Variants in IGSF21 observed in about 807,000 individuals in gnomAD.
The protein encoded by IGSF21 is immunoglobulin superfamily member 21.
Under a neutral mutation model 46.8 loss-of-function variants are expected in IGSF21, and 28 were observed. That is an observed-to-expected ratio of 0.60 (90% CI 0.44 to 0.82). The LOEUF is 0.82. IGSF21 is among the 40% of genes least tolerant of loss of function. The pLI is 0.00. For synonymous variants in IGSF21, 284 were observed against 273.6 expected, an observed-to-expected ratio of 1.04 and a Z score of -0.38; for missense variants, 624 against 665.5, an observed-to-expected ratio of 0.94 and a Z score of 0.69.
chr1:18,160,841 G>C (rs914299304), intron 1 of IGSF21, among the ~76,000 whole-genome samples: 1 of 152,182 alleles, frequency 6.6e-6, no homozygotes, highest in African/African-American at 2.4e-5. Flanking sequence ...ACTGTAGAGT[G>C]CTGGACCAAT....
rs1468023437 is a variant in IGSF21 at position 18,227,991 on chromosome 1, G to A, written c.164G>A (p.Arg55Gln). The change falls in exon 2 of 10, where the codon CGG becomes CAG. Residue 55 changes from arginine to glutamine, a missense_variant. Coordinates refer to ENST00000251296, the MANE Select transcript of IGSF21 (RefSeq NM_032880.5). Reference protein sequence around the residue: ...KCNFKTDGRMREIVWYRVTDG... With the variant: ...KCNFKTDGRMQEIVWYRVTDG... ...AACTTCAAGACAGATGGGCGCATGC[G>A]GGAGATCGTGTGGTACCGGGTAAGT... 8 of 1,613,658 alleles carry A rather than the reference G, an allele frequency of 5.0e-6. No individual in the cohort carries two copies. The highest frequency in any genetic ancestry group is 2.2e-5 in the East Asian group (1 of 44,876).
intron 3 of IGSF21, among the ~76,000 whole-genome samples, chr1:18,321,231 G>A (rs1456374176): frequency 6.6e-6 from 1 of 152,206 alleles, no homozygotes; most frequent in African/African-American, 2.4e-5. Context: ...AGCAGAGGCA[G>A]GTTGTGCACC....
chr1:18,193,714 C>G (rs757865063), intron 1 of IGSF21, among the ~76,000 whole-genome samples: 2 of 143,680 alleles, frequency 1.4e-5, no homozygotes, highest in Non-Finnish European at 3.2e-5. Context: ...TTTGGCAACA[C>G]CCTCACAGAC....
At chr1:18,199,155 C>T (rs2087040230) in intron 1 of IGSF21, among the ~76,000 whole-genome samples, 1 of 152,096 alleles carries the variant, frequency 6.6e-6, no homozygotes, top group South Asian at 2.1e-4. Context: ...GTACATTAAA[C>T]AGATAGAAGG....
At chr1:18,279,634 A>C (rs538276509) in intron 2 of IGSF21, among the ~76,000 whole-genome samples, 2 of 152,204 alleles carry the variant, frequency 1.3e-5, no homozygotes, top group Non-Finnish European at 1.5e-5. Context: ...GATGGGGCCC[A>C]GGTCTTCTAG....
At chr1:18,160,226 C>T (rs2086605339) in intron 1 of IGSF21, among the ~76,000 whole-genome samples, 2 of 152,216 alleles carry the variant, frequency 1.3e-5, no homozygotes, top group South Asian at 4.1e-4. Flanking sequence ...TCACTGGTCT[C>T]ACTCTGCTGG....
In IGSF21 at chr1:18,376,332, T is replaced by A; in HGVS notation, c.1038T>A (p.Ile346=). The change falls in exon 7 of 10, where the codon ATT becomes ATA. Residue 346 remains isoleucine, a synonymous_variant. Coordinates refer to ENST00000251296, the MANE Select transcript of IGSF21 (RefSeq NM_032880.5). ...CAGTTGCCCCCAAAGGACCCAAAAT[T>A]GTGATGACGCCCAGCAGAGCCCGGG... ...VTLVAPKGPK[I]VMTPSRARVG... 6.2e-7 allele frequency: 1 copy of A among 1,613,826 alleles called. No individual in the cohort carries two copies. Among genetic ancestry groups the A allele is most frequent in the Non-Finnish European group, 8.5e-7 (1 of 1,179,870 alleles).
At chr1:18,242,389 T>C (rs759805325) in intron 2 of IGSF21, among the ~76,000 whole-genome samples, 3 of 152,192 alleles carry the variant, frequency 2.0e-5, no homozygotes, top group Non-Finnish European at 4.4e-5. Flanking sequence ...CACACAGACC[T>C]CAGGAATCCC....
chr1:18,115,241 G>T (rs1250075560), intron 1 of IGSF21: 1 of 152,412 alleles, frequency 6.6e-6, no homozygotes, highest in East Asian at 1.9e-4. Context: ...CCAAGTTTCT[G>T]CTCACCCACA....
chr1:18,336,884 A>G (rs908442104), intron 4 of IGSF21, among the ~76,000 whole-genome samples: 10 of 152,232 alleles, frequency 6.6e-5, no homozygotes, highest in Non-Finnish European at 1.3e-4. Context: ...CACATCTCAC[A>G]TGGTGGAAGA....
intron 2 of IGSF21, among the ~76,000 whole-genome samples, chr1:18,265,721 G>A (rs1393511768): frequency 6.6e-6 from 1 of 152,216 alleles, no homozygotes; most frequent in Non-Finnish European, 1.5e-5. Flanking sequence ...TGGCACTGCT[G>A]GCTGAATTCT....
intron 4 of IGSF21, among the ~76,000 whole-genome samples, chr1:18,342,696 T>C (rs1198738108): frequency 6.6e-6 from 1 of 152,230 alleles, no homozygotes; most frequent in Non-Finnish European, 1.5e-5. Flanking sequence ...TATGTGGTCT[T>C]TTGTGGCTAG....
At chr1:18,178,355 C>T (rs568927561) in intron 1 of IGSF21, among the ~76,000 whole-genome samples, 3 of 152,242 alleles carry the variant, frequency 2.0e-5, no homozygotes, top group East Asian at 3.9e-4. Flanking sequence ...AAGGGAGACT[C>T]GGGTTTCAGC....
chr1:18,129,227 A>G (rs951528757), intron 1 of IGSF21, among the ~76,000 whole-genome samples: 2 of 152,056 alleles, frequency 1.3e-5, no homozygotes, highest in African/African-American at 4.8e-5. Context: ...AAAAGGGGAG[A>G]GAGAGTAACC....
chr1:18,132,180 G>C (rs935728669), intron 1 of IGSF21, among the ~76,000 whole-genome samples: 18 of 151,704 alleles, frequency 1.2e-4, no homozygotes, highest in South Asian at 4.2e-4. Flanking sequence ...TGGATGGATG[G>C]ATGGATGGAT....
chr1:18,159,231 T>C (rs772048058), intron 1 of IGSF21, among the ~76,000 whole-genome samples: 10 of 152,218 alleles, frequency 6.6e-5, no homozygotes, highest in Non-Finnish European at 1.2e-4. Flanking sequence ...TAGGCTGGAC[T>C]TGTCTGCTGA....
intron 2 of IGSF21, among the ~76,000 whole-genome samples, chr1:18,231,242 T>C (rs931316636): frequency 1.3e-5 from 2 of 152,242 alleles, no homozygotes; most frequent in African/African-American, 4.8e-5. Flanking sequence ...GGGATCATCC[T>C]GAGCTGTCAG....
chr1:18,248,836 C>T (rs966740307), intron 2 of IGSF21, among the ~76,000 whole-genome samples: 2 of 152,072 alleles, frequency 1.3e-5, no homozygotes, highest in African/African-American at 2.4e-5. Context: ...AGCTTACATC[C>T]TGTTGGGATG....
intron 1 of IGSF21, among the ~76,000 whole-genome samples, chr1:18,152,684 C>T (rs2086531548): frequency 1.3e-5 from 2 of 152,134 alleles, no homozygotes; most frequent in South Asian, 4.1e-4. Flanking sequence ...CACTATGGAG[C>T]TTGGTCTCTG....
Sources: allele counts gnomAD v4.1 joint callset (sites outside exome capture counted in the v4.1 genomes callset), GRCh38; gene constraint gnomAD v4.1.1; transcripts MANE v1.5; gene names NCBI Gene and HGNC (gene_info 2026-07-23, HGNC 2026-07-21).